GORASP2: variants seen among roughly 807,000 people sequenced by gnomAD.
GORASP2 encodes golgi reassembly stacking protein 2, also known as Golgi reassembly-stacking protein 2.
A neutral mutation model predicts 45.7 loss-of-function variants in GORASP2; 22 were observed. That is an observed-to-expected ratio of 0.48 (90% confidence interval 0.34 to 0.69). The LOEUF (loss-of-function observed/expected upper bound fraction) is 0.69. Among genes scored for constraint, GORASP2 ranks in the 30% least tolerant of loss-of-function variants. GORASP2 has a pLI of 0.01. For synonymous variants in GORASP2, 221 were observed against 215.6 expected (o/e 1.02, Z -0.22); for missense variants, 491 against 562.7 (o/e 0.87, Z 1.29).
Position 170,949,710 on chromosome 2 carries a change from G to A in GORASP2, c.316G>A (p.Asp106Asn), listed in dbSNP as rs1372634426. 1.2e-6 allele frequency: 2 copies of A among 1,613,964 alleles called. No individual in the cohort carries two copies. Among genetic ancestry groups the A allele is most frequent in the Admixed American group, 1.7e-5 (1 of 60,014 alleles). The part of the protein sequence containing the change: ...LGVSIRFCSF[D>N]GANENVWHVL... ...AGTGAGCATTCGTTTCTGCAGCTTTGATGGGGCAAATGAAAATGTTTGGCA... is the reference window on the plus strand; with the variant it reads ...AGTGAGCATTCGTTTCTGCAGCTTTAATGGGGCAAATGAAAATGTTTGGCA... Residue 106 changes from aspartate (D) to asparagine (N), a missense_variant, in exon 3 of 10, where the codon GAT becomes AAT. By Grantham distance (23) the Asp-to-Asn change is conservative. Around this residue, in one of 2 missense-constraint regions of GORASP2, gnomAD observed 194 missense variants for 270.4 expected, o/e 0.72. Transcript: ENST00000234160.
At chr2:170,934,789 G>A (rs1703907685) in intron 1 of GORASP2, among the ~76,000 whole-genome samples, 1 of 151,924 alleles carries the variant, frequency 6.6e-6, no homozygotes, top group African/African-American at 2.4e-5. Context: ...CACGGCTGGA[G>A]TGCAGTTGTG....
chr2:170,942,851 C>T (rs1199682234), intron 1 of GORASP2, among the ~76,000 whole-genome samples: 1 of 152,182 alleles, frequency 6.6e-6, no homozygotes, highest in Non-Finnish European at 1.5e-5. Flanking sequence ...CCATTTTCTC[C>T]ACATCCTTGC....
intron 4 of GORASP2, 23 bp from the exon 5 acceptor site, chr2:170,951,305 T>A (rs1474741107): frequency 6.3e-7 from 1 of 1,579,334 alleles, no homozygotes; most frequent in East Asian, 2.3e-5. Flanking sequence ...CGTGAAACAT[T>A]TTCTCCTGTG....
chr2:170,949,384 TTC>T (rs1704245759), intron 2 of GORASP2, 153 bp from the exon 3 acceptor site: 1 of 587,434 alleles, frequency 1.7e-6, no homozygotes, highest in African/African-American at 1.9e-5. Context: ...TTTCTTGACA[TTC>T]TTTTACATAG....
At chr2:170,950,350 T>C in intron 4 of GORASP2, 60 bp downstream of exon 4, 1 of 782,936 alleles carries the variant, frequency 1.3e-6, no homozygotes, top group Non-Finnish European at 2.1e-6. Context: ...GAGGTTTGAG[T>C]TGAGAAAGAT....
At position 170,966,781 on chromosome 2, in the gene GORASP2, T is replaced by TA. The variant is rs1279815998; in HGVS notation, c.*652dup. 1 of 153,930 alleles carries TA rather than the reference T, an allele frequency of 6.5e-6. No individual in the cohort carries two copies. Among genetic ancestry groups the TA allele is most frequent in the Admixed American group, 6.4e-5 (1 of 15,556 alleles). The allele number at this position is 153,930 out of a possible 1,614,324, so 9.5% of individuals were successfully genotyped here. A position where few individuals can be genotyped will look rare whatever the true frequency, so the allele number is the denominator to read the frequency against. The stretch of plus-strand genomic sequence containing the variant: ...GTAACTGCTGCTGTTGCTTTCTACA[T>TA]ACACCTTATAAAGTGACATTTCAAA... On this transcript the variant is annotated 3_prime_UTR_variant, in exon 10 of 10. Coordinates refer to ENST00000234160, the MANE Select transcript of GORASP2 (RefSeq NM_015530.5).
intron 1 of GORASP2, among the ~76,000 whole-genome samples, chr2:170,942,649 A>T (rs1704103511): frequency 6.6e-6 from 1 of 152,224 alleles, no homozygotes; most frequent in Non-Finnish European, 1.5e-5. Context: ...TATTATGAAT[A>T]ATGCTGCTAT....
chr2:170,941,250 T>C (rs963476445), intron 1 of GORASP2, among the ~76,000 whole-genome samples: 1 of 152,226 alleles, frequency 6.6e-6, no homozygotes, highest in Non-Finnish European at 1.5e-5. Flanking sequence ...TTTGGTAATA[T>C]ATCTTTTTAT....
At chr2:170,945,462 A>C (rs1454852859) in intron 1 of GORASP2, among the ~76,000 whole-genome samples, 6 of 148,666 alleles carry the variant, frequency 4.0e-5, no homozygotes, top group Admixed American at 2.1e-4. Context: ...GATGCACCCC[A>C]CTCCACTACA....
intron 1 of GORASP2, among the ~76,000 whole-genome samples, chr2:170,945,500 T>G (rs1227308453): frequency 1.4e-5 from 1 of 70,946 alleles, no homozygotes. Context: ...GGACCTTGTC[T>G]CAAAAAAAAA....
At chr2:170,931,868 C>G (rs1275635082) in intron 1 of GORASP2, among the ~76,000 whole-genome samples, 1 of 152,176 alleles carries the variant, frequency 6.6e-6, no homozygotes, top group Non-Finnish European at 1.5e-5. Context: ...CTTCTTATCC[C>G]CACTCCAGAG....
intron 1 of GORASP2, among the ~76,000 whole-genome samples, chr2:170,935,098 G>A (rs1703917443): frequency 6.6e-6 from 1 of 152,088 alleles, no homozygotes; most frequent in South Asian, 2.1e-4. Flanking sequence ...CTTTTAAATT[G>A]CTTTCAAATG....
intron 1 of GORASP2, among the ~76,000 whole-genome samples, chr2:170,934,338 C>T (rs1229586812): frequency 2.0e-5 from 3 of 151,456 alleles, no homozygotes; most frequent in African/African-American, 7.3e-5. Context: ...TACAATGGCG[C>T]ATCTCGGCTC....
At chr2:170,948,483 T>A in intron 2 of GORASP2, 53 bp downstream of exon 2, 1 of 1,016,962 alleles carries the variant, frequency 9.8e-7, no homozygotes, top group South Asian at 1.4e-5. Context: ...CTCTCAAAAA[T>A]GGAATTTTTC....
chr2:170,961,740 A>G lies in GORASP2; in HGVS notation c.901A>G (p.Thr301Ala), dbSNP rs757648793. 3 of 1,552,838 alleles carry G rather than the reference A, an allele frequency of 1.9e-6. No individual in the cohort carries two copies. Among genetic ancestry groups the G allele is most frequent in the Middle Eastern group, 1.7e-4 (1 of 5,950 alleles). The change falls in exon 8 of 10, where the codon ACA (threonine) becomes GCA (alanine). Residue 301 changes from threonine to alanine, a missense_variant. Physicochemically the swap from Thr to Ala is moderately conservative, Grantham distance 58. Coordinates refer to ENST00000234160, the MANE Select transcript of GORASP2 (RefSeq NM_015530.5). The part of the protein sequence containing the change: ...TSVPPMNPAT[T>A]LPGLMPLPAG... ...TGTGCCACCAATGAATCCAGCTACT[A>G]CATTACCAGGTAACCACCAGGGGAC...
chr2:170,937,860 A>G (rs1035737424), intron 1 of GORASP2, among the ~76,000 whole-genome samples: 2 of 152,202 alleles, frequency 1.3e-5, no homozygotes, highest in Admixed American at 6.5e-5. Context: ...CTTTGTGGAC[A>G]TGAGTACATT....
chr2:170,947,121 C>T (rs922541695), intron 1 of GORASP2, among the ~76,000 whole-genome samples: 2 of 151,938 alleles, frequency 1.3e-5, no homozygotes, highest in East Asian at 3.9e-4. Flanking sequence ...TGATGAAAGC[C>T]ACCAATATTT....
chr2:170,949,607 C>G lies in GORASP2; in HGVS notation c.213C>G (p.Ile71Met), dbSNP rs1349869195. 1 of 1,613,868 alleles carries G rather than the reference C, an allele frequency of 6.2e-7. No homozygotes were observed. Among genetic ancestry groups the G allele is most frequent in the East Asian group, 2.2e-5 (1 of 44,886 alleles). The change falls in exon 3 of 10, where the codon ATC becomes ATG. Residue 71 changes from isoleucine to methionine, a missense_variant. Around this residue, in one of 2 missense-constraint regions of GORASP2, gnomAD observed 194 missense variants for 270.4 expected, o/e 0.72. Transcript: ENST00000234160. ...ANVEKPVKML[I>M]YSSKTLELRE... ...TTGAAAAGCCTGTAAAGATGCTTAT[C>G]TATAGCAGCAAAACATTGGAACTGC...
chr2:170,964,180 T>A (rs1375428320), intron 9 of GORASP2, among the ~76,000 whole-genome samples: 1 of 152,188 alleles, frequency 6.6e-6, no homozygotes, highest in Non-Finnish European at 1.5e-5. Flanking sequence ...GGGCTGACTT[T>A]TAATAGGTCA....
Sources: allele counts gnomAD v4.1 joint callset (sites outside exome capture counted in the v4.1 genomes callset), GRCh38; gene constraint gnomAD v4.1.1; regional missense constraint gnomAD v4.1.1; transcripts MANE v1.5; gene names NCBI Gene and HGNC (gene_info 2026-07-23, HGNC 2026-07-21).